Variants in ANKS1B observed in about 807,000 individuals in gnomAD.
ANKS1B encodes ankyrin repeat and sterile alpha motif domain-containing protein 1B.
Under a neutral mutation model 148.3 loss-of-function variants are expected in ANKS1B, and 36 were observed. That is an observed-to-expected ratio of 0.24 (90% confidence interval 0.19 to 0.32). The LOEUF is 0.32. ANKS1B is among the 10% of genes least tolerant of loss of function. The pLI is 1.00. For missense variants in ANKS1B, 1,157 were observed against 1,542.6 expected, an observed-to-expected ratio of 0.75 and a Z score of 4.19; for synonymous variants, 542 against 560.8, an observed-to-expected ratio of 0.97 and a Z score of 0.47.
intron 9 of ANKS1B, among the ~76,000 whole-genome samples, chr12:99,527,674 T>C (rs2096940457): frequency 6.6e-6 from 1 of 152,184 alleles, no homozygotes; most frequent in Non-Finnish European, 1.5e-5. Flanking sequence ...GAATCCCAAC[T>C]CTGCCTTTTT....
chr12:99,378,831 AG>A (rs1326812908), intron 12 of ANKS1B, among the ~76,000 whole-genome samples: 1 of 152,210 alleles, frequency 6.6e-6, no homozygotes, highest in African/African-American at 2.4e-5. Flanking sequence ...AAGACTCCAG[AG>A]GGCAGAGCCA....
At chr12:99,794,631 T>C (rs1393166119) in intron 4 of ANKS1B, among the ~76,000 whole-genome samples, 1 of 151,976 alleles carries the variant, frequency 6.6e-6, no homozygotes, top group African/African-American at 2.4e-5. Flanking sequence ...CAGTTATTTG[T>C]GAGATCTAAA....
At chr12:99,835,120 A>G (rs150535055) in intron 1 of ANKS1B, among the ~76,000 whole-genome samples, 5 of 152,074 alleles carry the variant, frequency 3.3e-5, no homozygotes, top group African/African-American at 1.2e-4. Flanking sequence ...CTTTAGAAAT[A>G]CAAGGTGAGG....
intron 12 of ANKS1B, among the ~76,000 whole-genome samples, chr12:99,260,196 T>G (rs2075774039): frequency 1.3e-5 from 2 of 152,126 alleles, no homozygotes; most frequent in Non-Finnish European, 2.9e-5. Context: ...AAAAGAACTA[T>G]TCTGAAGAAA....
At chr12:98,909,574 G>A (rs531144431) in intron 17 of ANKS1B, among the ~76,000 whole-genome samples, 1 of 152,278 alleles carries the variant, frequency 6.6e-6, no homozygotes, top group African/African-American at 2.4e-5. Flanking sequence ...CTCACTGAAA[G>A]CAGAAGGATA....
At chr12:98,914,108 T>C (rs2099790670) in intron 17 of ANKS1B, among the ~76,000 whole-genome samples, 1 of 152,154 alleles carries the variant, frequency 6.6e-6, no homozygotes, top group Non-Finnish European at 1.5e-5. Context: ...GGGAGGTGTT[T>C]GGATCATGGC....
chr12:99,961,347 T>G (rs962154225), intron 1 of ANKS1B, among the ~76,000 whole-genome samples: 4 of 152,208 alleles, frequency 2.6e-5, no homozygotes, highest in South Asian at 2.1e-4. Flanking sequence ...GGTTTGAGTG[T>G]ATTCTCTTAA....
chr12:99,614,655 GGTTT>G (rs2153354533), intron 9 of ANKS1B, among the ~76,000 whole-genome samples: 1 of 151,914 alleles, frequency 6.6e-6, no homozygotes, highest in Admixed American at 6.6e-5. Flanking sequence ...TATTGAAAAT[GGTTT>G]TTTTTACATG....
rs906457264 is a variant in ANKS1B at position 99,117,712 on chromosome 12, A to C, written c.2527-32689T>G. The stretch of plus-strand genomic sequence containing the variant: ...GGTATCAGGATGAGGCTGGCCTCAT[A>C]AAATGAGTTAGGGAGGAGTCCCTCT... On this transcript the variant is annotated intron_variant, in intron 15 of 26. Coordinates refer to ENST00000683438, the MANE Select transcript of ANKS1B (RefSeq NM_001352186.2). Among the ~76,000 whole-genome samples the C allele has an allele frequency of 1.8e-4, 28 of 152,212 alleles. 1 individual carries two copies. Among genetic ancestry groups the C allele is most frequent in the African/African-American group, 6.3e-4 (26 of 41,452 alleles).
chr12:99,479,036 T>C (rs966715061), intron 10 of ANKS1B, among the ~76,000 whole-genome samples: 1 of 152,070 alleles, frequency 6.6e-6, no homozygotes, highest in Admixed American at 6.6e-5. Flanking sequence ...TTTTGTGTAC[T>C]ATGTCTTCAT....
intron 9 of ANKS1B, among the ~76,000 whole-genome samples, chr12:99,603,469 T>C (rs968754055): frequency 6.6e-6 from 1 of 152,110 alleles, no homozygotes; most frequent in African/African-American, 2.4e-5. Context: ...GCGGGCTTTA[T>C]TGGCTCCATA....
intron 9 of ANKS1B, among the ~76,000 whole-genome samples, chr12:99,611,886 A>G (rs1567472963): frequency 6.6e-6 from 1 of 152,102 alleles, no homozygotes; most frequent in Non-Finnish European, 1.5e-5. Context: ...TTCTACAAGA[A>G]ATTCATTTTA....
chr12:99,913,234 C>T (rs1229058420), intron 1 of ANKS1B, among the ~76,000 whole-genome samples: 2 of 152,142 alleles, frequency 1.3e-5, no homozygotes, highest in African/African-American at 4.8e-5. Flanking sequence ...ATAAACTTTG[C>T]CTTGAAAGAT....
intron 17 of ANKS1B, among the ~76,000 whole-genome samples, chr12:98,925,283 A>T (rs1369042902): frequency 6.6e-6 from 1 of 152,220 alleles, no homozygotes; most frequent in East Asian, 1.9e-4. Flanking sequence ...AATGCTGATG[A>T]TGAGACTGGG....
At chr12:99,824,345 C>T (rs960214658) in intron 2 of ANKS1B, among the ~76,000 whole-genome samples, 4 of 151,598 alleles carry the variant, frequency 2.6e-5, no homozygotes, top group African/African-American at 9.7e-5. Context: ...ACTAAAAATA[C>T]AAAAATTGGC....
chr12:99,494,089 C>T (rs1007994025), intron 10 of ANKS1B, among the ~76,000 whole-genome samples: 6 of 152,038 alleles, frequency 3.9e-5, no homozygotes, highest in African/African-American at 1.2e-4. Flanking sequence ...CTACCTTAGA[C>T]GACAAAGGGA....
At chr12:99,030,316 C>T (rs140328328) in intron 17 of ANKS1B, among the ~76,000 whole-genome samples, 3 of 152,212 alleles carry the variant, frequency 2.0e-5, no homozygotes, top group East Asian at 1.9e-4. Flanking sequence ...ATGGTGGGGG[C>T]GACTGGTGCT....
chr12:99,932,427 A>C (rs10745882), intron 1 of ANKS1B, among the ~76,000 whole-genome samples: 95,307 of 151,996 alleles, frequency 0.63, 31,433 homozygotes, highest in African/African-American at 0.77. Flanking sequence ...CACATCTTCT[A>C]CAGCATTCAT....
At chr12:98,793,653 C>T (rs1034692948) in intron 22 of ANKS1B, among the ~76,000 whole-genome samples, 14 of 152,084 alleles carry the variant, frequency 9.2e-5, no homozygotes, top group Non-Finnish European at 2.1e-4. Flanking sequence ...ACAAATAATC[C>T]TATTTTTATT....
Sources: gnomAD v4.1 joint callset for allele counts (sites outside exome capture counted in the v4.1 genomes callset) on GRCh38, gnomAD v4.1.1 for gene constraint, MANE v1.5 for transcripts, NCBI Gene and HGNC (gene_info 2026-07-23, HGNC 2026-07-21) for gene names.